ALK: variants seen among roughly 807,000 people sequenced by gnomAD.
ALK encodes ALK receptor tyrosine kinase, also known as ALK tyrosine kinase receptor.
In ALK, 74 loss-of-function variants were observed where a neutral mutation model predicts 163.1. The observed-to-expected ratio is 0.45, with a 90% CI of 0.38 to 0.55. The LOEUF (loss-of-function observed/expected upper bound fraction) is 0.55. Ranked by LOEUF, ALK falls within the 20% of genes least tolerant of loss-of-function variation. The pLI is 0.00. For synonymous variants in ALK, 960 were observed against 843.2 expected, an observed-to-expected ratio of 1.14 and a Z score of -2.40; for missense variants, 2,063 against 2,105.3, an observed-to-expected ratio of 0.98 and a Z score of 0.39.
At chr2:29,298,521 T>A (rs1666268944) in intron 8 of ALK, among the ~76,000 whole-genome samples, 1 of 152,228 alleles carries the variant, frequency 6.6e-6, no homozygotes, top group South Asian at 2.1e-4. Context: ...GAATTCAGAC[T>A]GTTGAGTCTC....
chr2:29,617,766 A>C (rs1170316213), intron 3 of ALK, among the ~76,000 whole-genome samples: 3 of 152,186 alleles, frequency 2.0e-5, no homozygotes, highest in Admixed American at 1.3e-4. Flanking sequence ...CCATTGTAAC[A>C]GTCTTGAATG....
intron 3 of ALK, among the ~76,000 whole-genome samples, chr2:29,631,264 T>C (rs1195766985): frequency 6.6e-6 from 1 of 152,240 alleles, no homozygotes; most frequent in Non-Finnish European, 1.5e-5. Flanking sequence ...ATGAGGGTGA[T>C]GCAGATGAAG....
intron 8 of ALK, among the ~76,000 whole-genome samples, chr2:29,312,649 G>T (rs1294500798): frequency 1.3e-5 from 2 of 152,190 alleles, no homozygotes; most frequent in Admixed American, 6.5e-5. Flanking sequence ...CTTTCTGATA[G>T]GCCCAACATT....
intron 1 of ALK, among the ~76,000 whole-genome samples, chr2:29,903,786 A>G (rs984783758): frequency 6.6e-6 from 1 of 152,170 alleles, no homozygotes; most frequent in African/African-American, 2.4e-5. Flanking sequence ...TAATTTACCA[A>G]TTACATAAGA....
At chr2:29,607,044 G>GGGGA (rs1438501104) in intron 3 of ALK, among the ~76,000 whole-genome samples, 2 of 152,194 alleles carry the variant, frequency 1.3e-5, no homozygotes, top group Admixed American at 1.3e-4. Context: ...CACAGAGCAT[G>GGGGA]GGGAGCACAG....
At chr2:29,199,845 T>C (rs1669113886) in intron 26 of ALK, among the ~76,000 whole-genome samples, 1 of 152,350 alleles carries the variant, frequency 6.6e-6, no homozygotes, top group African/African-American at 2.4e-5. Context: ...AGTGTGATTG[T>C]AGTTTTCTGA....
intron 18 of ALK, among the ~76,000 whole-genome samples, chr2:29,226,022 G>A (rs76348046): frequency 0.012 from 1,889 of 152,220 alleles, 44 homozygotes; most frequent in African/African-American, 0.043. Context: ...CAGACCACAC[G>A]GAGGTATCGT....
chr2:29,505,157 C>G (rs1249345089), intron 4 of ALK, among the ~76,000 whole-genome samples: 1 of 152,156 alleles, frequency 6.6e-6, no homozygotes, highest in East Asian at 1.9e-4. Flanking sequence ...AGCCTTTGGG[C>G]TCTCAGTGGA....
In ALK at chr2:29,855,326, G is replaced by A. The variant is rs1441825109; in HGVS notation, c.667+64667C>T. Among the ~76,000 whole-genome samples, 3 of 152,140 alleles carry A rather than the reference G, an allele frequency of 2.0e-5. No homozygotes were observed. In the East Asian group the frequency reaches 5.8e-4, roughly 29 times the overall value. ...TTACATCTGAGTCAGAATGAATCTTGGGCCCATGCTATTCCCACTGTACAG... is the reference window on the plus strand; with the variant it reads ...TTACATCTGAGTCAGAATGAATCTTAGGCCCATGCTATTCCCACTGTACAG... On this transcript the variant is annotated intron_variant, in intron 1 of 28. Coordinates refer to ENST00000389048, the MANE Select transcript of ALK (RefSeq NM_004304.5).
At chr2:29,771,955 G>A (rs1054277991) in intron 1 of ALK, among the ~76,000 whole-genome samples, 2 of 152,238 alleles carry the variant, frequency 1.3e-5, no homozygotes, top group Admixed American at 1.3e-4. Flanking sequence ...GAAGCTGACT[G>A]AGGAGGGGCT....
At chr2:29,471,129 T>C (rs1436084442) in intron 4 of ALK, among the ~76,000 whole-genome samples, 2 of 152,204 alleles carry the variant, frequency 1.3e-5, no homozygotes, top group Non-Finnish European at 1.5e-5. Flanking sequence ...CTTTTAATTA[T>C]GTTAATAGGA....
At chr2:29,624,293 G>GTT (rs752096080) in intron 3 of ALK, among the ~76,000 whole-genome samples, 1 of 152,198 alleles carries the variant, frequency 6.6e-6, no homozygotes, top group African/African-American at 2.4e-5. Context: ...TTTTTACCAA[G>GTT]TTAATCTGAT....
chr2:29,876,019 C>T (rs138748191), intron 1 of ALK, among the ~76,000 whole-genome samples: 51 of 152,248 alleles, frequency 3.3e-4, no homozygotes, highest in African/African-American at 1.2e-3. Context: ...TTTTTCTCTG[C>T]TTCATCCTCA....
chr2:29,788,538 AG>A (rs2148355668), intron 1 of ALK, among the ~76,000 whole-genome samples: 1 of 152,300 alleles, frequency 6.6e-6, no homozygotes, highest in South Asian at 2.1e-4. Flanking sequence ...AGCGAAAGGG[AG>A]GGAACTAGAC....
At chr2:29,786,051 C>T (rs962113471) in intron 1 of ALK, among the ~76,000 whole-genome samples, 3 of 152,090 alleles carry the variant, frequency 2.0e-5, no homozygotes, top group African/African-American at 4.8e-5. Context: ...TTGTCATTTC[C>T]ATTTTCGCCT....
At chr2:29,684,546 C>T (rs1678181703) in intron 3 of ALK, among the ~76,000 whole-genome samples, 1 of 152,216 alleles carries the variant, frequency 6.6e-6, no homozygotes, top group Non-Finnish European at 1.5e-5. Context: ...TTGGACAGCA[C>T]TCCTCAACCT....
intron 1 of ALK, among the ~76,000 whole-genome samples, chr2:29,901,260 A>G (rs111587797): frequency 1.3e-5 from 2 of 152,210 alleles, no homozygotes; most frequent in African/African-American, 4.8e-5. Flanking sequence ...CTGGCATGTA[A>G]TAGATGTTCA....
chr2:29,538,363 C>G (rs1333986037), intron 3 of ALK, among the ~76,000 whole-genome samples: 2 of 152,108 alleles, frequency 1.3e-5, no homozygotes, highest in African/African-American at 4.8e-5. Flanking sequence ...TGAGTTCTTG[C>G]TCAGTTAGTT....
intron 4 of ALK, among the ~76,000 whole-genome samples, chr2:29,419,365 T>C (rs1246096442): frequency 6.6e-6 from 1 of 151,538 alleles, no homozygotes; most frequent in African/African-American, 2.4e-5. Context: ...AGATGGTCAT[T>C]TCCCCATGTG....
Sources: allele counts gnomAD v4.1 joint callset (sites outside exome capture counted in the v4.1 genomes callset), GRCh38; gene constraint gnomAD v4.1.1; transcripts MANE v1.5; gene names NCBI Gene and HGNC (gene_info 2026-07-23, HGNC 2026-07-21).